TJP1: variants seen among roughly 807,000 people sequenced by gnomAD.
TJP1 encodes the protein tight junction protein ZO-1.
Under a neutral mutation model 194.2 loss-of-function variants are expected in TJP1, and 43 were observed. The ratio of observed to expected loss-of-function variants is 0.22; its 90% CI spans 0.17 to 0.29. The LOEUF is 0.29. TJP1 is among the 10% of genes least tolerant of loss of function. The pLI, the probability that TJP1 is intolerant of heterozygous loss-of-function variation, is 1.00. For synonymous variants in TJP1, 801 were observed against 779.0 expected, an observed-to-expected ratio of 1.03 and a Z score of -0.47; for missense variants, 1,971 against 2,185.7, an observed-to-expected ratio of 0.90 and a Z score of 1.96.
chr15:29,849,671 G>A (rs370461942), intron 2 of TJP1, among the ~76,000 whole-genome samples: 12 of 151,586 alleles, frequency 7.9e-5, no homozygotes, highest in East Asian at 2.0e-4. Flanking sequence ...CCCGGGAGTC[G>A]GAGGTTCGGA....
chr15:29,726,681 T>C, intron 17 of TJP1, 100 bp downstream of exon 17: 1 of 1,259,386 alleles, frequency 7.9e-7, no homozygotes. Context: ...TCCAAGAAAG[T>C]ATCATGTAAG....
At chr15:29,821,741 G>A (rs897606053) in intron 1 of TJP1, among the ~76,000 whole-genome samples, 13 of 151,764 alleles carry the variant, frequency 8.6e-5, no homozygotes, top group African/African-American at 1.4e-4. Flanking sequence ...GGCGCCGGCA[G>A]CTATGCACCT....
chr15:29,762,817 C>A (rs2046092836), intron 5 of TJP1, among the ~76,000 whole-genome samples: 1 of 152,096 alleles, frequency 6.6e-6, no homozygotes, highest in South Asian at 2.1e-4. Context: ...CCAGGCTGGA[C>A]TTGAATTCCT....
intron 25 of TJP1, among the ~76,000 whole-genome samples, chr15:29,708,212 A>C (rs1485463601): frequency 2.6e-5 from 4 of 151,724 alleles, no homozygotes; most frequent in Non-Finnish European, 5.9e-5. Context: ...AAAAAAAAAA[A>C]AAAAGCATGG....
At chr15:29,883,175 CA>C (rs1166635761) in intron 2 of TJP1, among the ~76,000 whole-genome samples, 1 of 152,132 alleles carries the variant, frequency 6.6e-6, no homozygotes, top group East Asian at 1.9e-4. Context: ...CTGCTTCCTC[CA>C]ACTATTGTCA....
rs537842145 is a variant in TJP1 at position 29,816,767 on chromosome 15, C to T, written c.27+5235G>A. 3.8e-4 allele frequency among the ~76,000 whole-genome samples: 58 copies of T among 152,202 alleles called. 2 individuals carry two copies. The South Asian group carries it at 0.012, about 31-fold the overall frequency. On this transcript the variant is annotated intron_variant, in intron 1 of 27. Transcript: ENST00000614355. The stretch of plus-strand genomic sequence containing the variant: ...TCTGCAGCTCTTAAGGTTTCAAAAA[C>T]GTTAAGATATCAAGAAAAGCCCACT...
intron 2 of TJP1, among the ~76,000 whole-genome samples, chr15:29,932,466 T>A (rs2054751273): frequency 6.6e-6 from 1 of 151,722 alleles, no homozygotes; most frequent in Non-Finnish European, 1.5e-5. Context: ...TCTTGCCACA[T>A]CCAAAAACTA....
Position 29,718,888 on chromosome 15 carries a change from G to A in TJP1, c.3254C>T (p.Pro1085Leu). The A allele has an allele frequency of 1.2e-6, 2 of 1,614,190 alleles. No individual in the cohort carries two copies. Among genetic ancestry groups the A allele is most frequent in the Non-Finnish European group, 1.7e-6 (2 of 1,180,040 alleles). ...EHRLRYEDRV[P>L]MYEEQWSYYD... is the part of the protein sequence containing the mutation. ...ATATGACCACTGTTCTTCATACATG[G>A]GGACGCGATCTTCGTATCGCAGACG... Residue 1085 changes from proline to leucine, a missense_variant, in exon 21 of 28, where the codon CCC becomes CTC. Transcript: ENST00000614355.
At chr15:29,954,442 A>G (rs2055866385) in intron 2 of TJP1, among the ~76,000 whole-genome samples, 1 of 152,240 alleles carries the variant, frequency 6.6e-6, no homozygotes, top group South Asian at 2.1e-4. Flanking sequence ...AAAGCTGATA[A>G]AATTTAAATT....
chr15:29,825,067 A>C (rs949243432), upstream of TJP1, among the ~76,000 whole-genome samples: 2 of 152,186 alleles, frequency 1.3e-5, no homozygotes, highest in Non-Finnish European at 2.9e-5. Context: ...AAACAAGAGA[A>C]GGCTTTTATC....
chr15:29,816,218 G>A (rs967864297), intron 1 of TJP1, among the ~76,000 whole-genome samples: 4 of 152,102 alleles, frequency 2.6e-5, no homozygotes, highest in Admixed American at 2.6e-4. Context: ...AGTAGAGACG[G>A]GGTTTCGGCC....
intron 2 of TJP1, among the ~76,000 whole-genome samples, chr15:29,852,225 T>C (rs1368022337): frequency 6.6e-6 from 1 of 152,118 alleles, no homozygotes; most frequent in Non-Finnish European, 1.5e-5. Context: ...AAACCACATA[T>C]CTGACAAAGG....
chr15:29,840,629 G>C (rs532629676), intron 2 of TJP1, among the ~76,000 whole-genome samples: 1 of 152,048 alleles, frequency 6.6e-6, no homozygotes, highest in Non-Finnish European at 1.5e-5. Flanking sequence ...CCCAGGACAC[G>C]CCTCCTGAGG....
At chr15:29,812,100 T>A (rs1380406738) in intron 1 of TJP1, among the ~76,000 whole-genome samples, 1 of 152,200 alleles carries the variant, frequency 6.6e-6, no homozygotes, top group Non-Finnish European at 1.5e-5. Context: ...TGTGTACAGA[T>A]GAGAAAACAG....
intron 2 of TJP1, among the ~76,000 whole-genome samples, chr15:29,951,160 C>G (rs2055735933): frequency 6.6e-6 from 1 of 152,024 alleles, no homozygotes; most frequent in Non-Finnish European, 1.5e-5. Context: ...TGCATGGATA[C>G]TCTTTTTTTC....
At chr15:29,941,617 C>T (rs574063907) in intron 2 of TJP1, among the ~76,000 whole-genome samples, 54 of 152,264 alleles carry the variant, frequency 3.5e-4, no homozygotes, top group African/African-American at 1.3e-3. Context: ...CCAACAAAGT[C>T]ATATGAGTCC....
Position 29,806,586 on chromosome 15 carries a change from C to CA in TJP1, c.28-5885dup, listed in dbSNP as rs557873890. On this transcript the variant is annotated intron_variant, in intron 1 of 27. Coordinates refer to ENST00000614355, the MANE Select transcript of TJP1 (RefSeq NM_001330239.4). Reference sequence around the variant, plus strand: ...ACGGCTTCTCATTCCTTCTGAACTCCAAAGTGTTTCTGTTTTGGTCTTTTT... The same window carrying CA: ...ACGGCTTCTCATTCCTTCTGAACTCCAAAAGTGTTTCTGTTTTGGTCTTTTT... Among the ~76,000 whole-genome samples, 12 of 152,240 alleles carry CA rather than the reference C, an allele frequency of 7.9e-5. No homozygotes were observed. In the East Asian group the frequency reaches 2.3e-3, roughly 29 times the overall value.
intron 2 of TJP1, among the ~76,000 whole-genome samples, chr15:29,845,006 A>T (rs2051357183): frequency 6.6e-6 from 1 of 152,180 alleles, no homozygotes; most frequent in African/African-American, 2.4e-5. Flanking sequence ...AGCCAACTGC[A>T]GAACATGTTT....
Position 29,704,266 on chromosome 15 carries a change from TG to T in TJP1, c.5107del (p.His1703MetfsTer6). 6.3e-7 allele frequency: 1 copy of T among 1,599,450 alleles called. No individual in the cohort carries two copies. On this transcript the variant is annotated frameshift_variant, in exon 27 of 28. Coordinates refer to ENST00000614355, the MANE Select transcript of TJP1 (RefSeq NM_001330239.4). LOFTEE classifies it high-confidence loss of function. ...CACAGGCTTCAGGAACTTGAGGCCA[TG>T]GGGACCACACATCACCAAAGGACTC... ...LLSPLVMCGP[H>X]GLKFLKPVEL...
Sources: gnomAD v4.1 joint callset for allele counts (sites outside exome capture counted in the v4.1 genomes callset) on GRCh38, gnomAD v4.1.1 for gene constraint, MANE v1.5 for transcripts, NCBI Gene and HGNC (gene_info 2026-07-23, HGNC 2026-07-21) for gene names.